The following PARP6 variants were observed in gnomAD, a reference collection of about 807,000 sequenced individuals.
PARP6 encodes poly(ADP-ribose) polymerase family member 6.
PARP6 carries 27 observed loss-of-function variants against 92.0 expected under a neutral mutation model. That is an observed-to-expected ratio of 0.29 (90% CI 0.22 to 0.40). PARP6 has a LOEUF of 0.40. PARP6 is among the 10% of genes least tolerant of loss of function. The probability of loss-of-function intolerance (pLI) is 1.00; values close to 1 mark genes in which losing one functional copy is unlikely to be tolerated. For missense variants in PARP6, 501 were observed against 784.5 expected (o/e 0.64, Z 4.32); for synonymous variants, 272 against 281.2 (o/e 0.97, Z 0.33).
At chr15:72,255,452 C>T (rs2084945662) in intron 14 of PARP6, among the ~76,000 whole-genome samples, 1 of 151,914 alleles carries the variant, frequency 6.6e-6, no homozygotes, top group Non-Finnish European at 1.5e-5. Context: ...CAGGGTTTCA[C>T]CATGTTGGCC....
At position 72,251,265 on chromosome 15, in the gene PARP6, A is replaced by C. The variant is rs746417874; in HGVS notation, c.1260-10T>G. The C allele has an allele frequency of 6.4e-7, 1 of 1,554,494 alleles. No homozygotes were observed. Among genetic ancestry groups the C allele is most frequent in the Non-Finnish European group, 8.8e-7 (1 of 1,130,530 alleles). On this transcript the variant is annotated splice_polypyrimidine_tract_variant and intron_variant, in intron 16 of 23. Transcript: ENST00000569795. Reference sequence around the variant, plus strand: ...GTTGCTAGAGATGATCCTGGGAAGAAACAGAAAAAAATAAAAAGGATAGAA... The same window carrying C: ...GTTGCTAGAGATGATCCTGGGAAGACACAGAAAAAAATAAAAAGGATAGAA...
chr15:72,251,029 G>C, intron 17 of PARP6, 75 bp from the exon 18 acceptor site: 5 of 1,188,620 alleles, frequency 4.2e-6, no homozygotes, highest in Non-Finnish European at 6.2e-6. Context: ...GTTGGGGATA[G>C]GGGAAAAAAT....
At chr15:72,269,033 T>TA (rs1186969749) in intron 2 of PARP6, among the ~76,000 whole-genome samples, 3 of 152,228 alleles carry the variant, frequency 2.0e-5, no homozygotes. Flanking sequence ...AAATCTACCC[T>TA]AAAAGCAGGC....
chr15:72,256,867 C>A (rs1338984649), intron 13 of PARP6, among the ~76,000 whole-genome samples: 1 of 151,936 alleles, frequency 6.6e-6, no homozygotes, highest in Non-Finnish European at 1.5e-5. Flanking sequence ...GAAATATTTT[C>A]TTTTCTTTCT....
chr15:72,251,737 G>A (rs192882943), intron 16 of PARP6, among the ~76,000 whole-genome samples: 3 of 152,308 alleles, frequency 2.0e-5, no homozygotes, highest in East Asian at 1.9e-4. Context: ...GGGGAGAAAC[G>A]GAGAGAAAGT....
In PARP6 at chr15:72,256,476, A is replaced by C. The variant is rs1399518329; in HGVS notation, c.1114T>G (p.Phe372Val). ...VDPTDPKTLA[F>V]NPKKKNYERL... ...CTCAAGTAACATACCTTAGGGTTAA[A>C]GGCCAGAGTCTTGGGATCAGTGGGG... The change falls in exon 14 of 24, where the codon TTT (phenylalanine) becomes GTT (valine). Residue 372 changes from phenylalanine to valine, a missense_variant. This residue lies in a region of PARP6 where 191 missense variants were observed against 399.1 expected (regional missense o/e 0.48). Coordinates refer to ENST00000569795, the MANE Select transcript of PARP6 (RefSeq NM_001323532.2). 6.4e-7 allele frequency: 1 copy of C among 1,566,462 alleles called. No individual in the cohort carries two copies. The highest frequency in any genetic ancestry group is 8.6e-7 in the Non-Finnish European group (1 of 1,161,488).
In PARP6 at chr15:72,253,017, TA is replaced by T. The variant is rs35499331; in HGVS notation, c.1259+419del. ...CAACATAGGGAGACTCCATCTCTAT[TA>T]AAAAAAAAAAATTAGCTGGGTGTGG... On this transcript the variant is annotated intron_variant, in intron 16 of 23. Coordinates refer to ENST00000569795, the MANE Select transcript of PARP6 (RefSeq NM_001323532.2). 1.2e-3 allele frequency among the ~76,000 whole-genome samples: 178 copies of T among 143,842 alleles called. 3 individuals are homozygous for T. Among genetic ancestry groups the T allele is most frequent in the South Asian group, 3.6e-3 (16 of 4,504 alleles). The allele number at this position is 143,842 out of a possible 152,430, so 94.4% of individuals were successfully genotyped here.
intron 16 of PARP6, among the ~76,000 whole-genome samples, chr15:72,251,733 A>G (rs1040204213): frequency 3.3e-5 from 5 of 152,184 alleles, no homozygotes; most frequent in South Asian, 2.1e-4. Flanking sequence ...GAATGGGGAG[A>G]AACGGAGAGA....
At chr15:72,269,289 T>A (rs962763772) in intron 2 of PARP6, among the ~76,000 whole-genome samples, 1 of 152,118 alleles carries the variant, frequency 6.6e-6, no homozygotes, top group Non-Finnish European at 1.5e-5. Flanking sequence ...GCCTCCCACG[T>A]AGCTGGGATT....
Position 72,250,065 on chromosome 15 carries a change from C to A in PARP6, c.1446G>T (p.Ser482=), listed in dbSNP as rs201649837. 2.5e-6 allele frequency: 4 copies of A among 1,611,484 alleles called. No individual in the cohort carries two copies. Among genetic ancestry groups the A allele is most frequent in the East Asian group, 4.5e-5 (2 of 44,872 alleles). ...CATTGACCAGCCCATTGCGCAGGAT[C>A]GAATGCCAGTTCTCAATGTGGGACC... ...FHGSHIENWH[S]ILRNGLVNAS... The change falls in exon 19 of 24, where the codon TCG becomes TCT. Residue 482 remains serine (S), a synonymous_variant. Transcript: ENST00000569795.
chr15:72,252,250 A>G (rs1357051440), intron 16 of PARP6, among the ~76,000 whole-genome samples: 1 of 152,214 alleles, frequency 6.6e-6, no homozygotes, highest in Non-Finnish European at 1.5e-5. Flanking sequence ...CTCTGGATGC[A>G]AAGAAAACTT....
At chr15:72,267,773 C>T (rs989050460) in intron 2 of PARP6, 102 bp from the exon 3 acceptor site, 6 of 302,360 alleles carry the variant, frequency 2.0e-5, no homozygotes, top group Non-Finnish European at 3.1e-5. Flanking sequence ...TTTTTTGAGA[C>T]AGAGTTTCGC....
chr15:72,247,071 T>C (rs2083709168), intron 20 of PARP6, among the ~76,000 whole-genome samples: 1 of 152,180 alleles, frequency 6.6e-6, no homozygotes, highest in African/African-American at 2.4e-5. Context: ...AAGTACACTT[T>C]TATTACTAAT....
chr15:72,252,273 C>A (rs2084461008), intron 16 of PARP6, among the ~76,000 whole-genome samples: 1 of 152,152 alleles, frequency 6.6e-6, no homozygotes, highest in African/African-American at 2.4e-5. Context: ...TTGAAATTAA[C>A]AGTGTTAATT....
At chr15:72,264,377 T>G (rs2086286262) in intron 8 of PARP6, among the ~76,000 whole-genome samples, 178 bp downstream of exon 8, 1 of 152,186 alleles carries the variant, frequency 6.6e-6, no homozygotes, top group Non-Finnish European at 1.5e-5. Flanking sequence ...CCACATACTC[T>G]CTCTCCACAA....
intron 9 of PARP6, 148 bp from the exon 10 acceptor site, chr15:72,260,836 C>T (rs999338600): frequency 1.5e-6 from 1 of 677,716 alleles, no homozygotes; most frequent in South Asian, 1.7e-5. Context: ...GTATCTTAAA[C>T]ACTATTAAAA....
chr15:72,260,413 T>C, intron 10 of PARP6, 65 bp downstream of exon 10: 1 of 1,333,314 alleles, frequency 7.5e-7, no homozygotes, highest in Admixed American at 1.9e-5. Flanking sequence ...TTTGAGAAAC[T>C]ACACTCCCAC....
In PARP6 at chr15:72,251,027, TA is replaced by T; in HGVS notation, c.1309-74del. The stretch of plus-strand genomic sequence containing the variant: ...AGATCAGGGAGGGAAGGGTTGGGGA[TA>T]GGGGAAAAAATCAGGCTTGCATTAA... On this transcript the variant is annotated intron_variant, in intron 17 of 23. Coordinates refer to ENST00000569795, the MANE Select transcript of PARP6 (RefSeq NM_001323532.2). 3 of 1,185,320 alleles carry T rather than the reference TA, an allele frequency of 2.5e-6. No homozygotes were observed. The Admixed American group carries it at 5.8e-5, about 23-fold the overall frequency. 73.4% of individuals were successfully genotyped at this position (1,185,320 alleles called of 1,614,324 possible).
chr15:72,258,102 T>C lies in PARP6; in HGVS notation c.841A>G (p.Thr281Ala). 3 of 1,613,810 alleles carry C rather than the reference T, an allele frequency of 1.9e-6. No individual in the cohort carries two copies. Among genetic ancestry groups the C allele is most frequent in the East Asian group, 2.2e-5 (1 of 44,878 alleles). ...CACACCACACAGTACTCATTCAATG[T>C]TGGAATCCTCTGTTCTGCATACTTC... ...IMKYAEQRIP[T>A]LNEYCVVCDE... The change falls in exon 12 of 24, where the codon ACA becomes GCA. Residue 281 changes from threonine (T) to alanine (A), a missense_variant. Transcript: ENST00000569795.
Sources: allele counts gnomAD v4.1 joint callset (sites outside exome capture counted in the v4.1 genomes callset), GRCh38; gene constraint gnomAD v4.1.1; regional missense constraint gnomAD v4.1.1; transcripts MANE v1.5; gene names NCBI Gene and HGNC (gene_info 2026-07-23, HGNC 2026-07-21).